The following TMTC1 variants were observed in gnomAD, a reference collection of about 807,000 sequenced individuals.
The protein encoded by TMTC1 is transmembrane O-mannosyltransferase targeting cadherins 1, also known as protein O-mannosyl-transferase TMTC1.
TMTC1 carries 73 observed loss-of-function variants against 104.8 expected under a neutral mutation model. The observed-to-expected ratio is 0.70, with a 90% confidence interval of 0.58 to 0.85. TMTC1 has a LOEUF of 0.85. TMTC1 is among the 40% of genes least tolerant of loss of function. The pLI, the probability that TMTC1 is intolerant of heterozygous loss-of-function variation, is 0.00. For missense variants in TMTC1, 1,035 were observed against 1,096.1 expected (o/e 0.94, Z 0.79); for synonymous variants, 434 against 428.7 (o/e 1.01, Z -0.15).
chr12:29,565,098 G>T (rs191372016), intron 9 of TMTC1, among the ~76,000 whole-genome samples: 57 of 152,276 alleles, frequency 3.7e-4, no homozygotes, highest in Middle Eastern at 6.8e-3. Flanking sequence ...GATTGTGGGG[G>T]CTGGCAAGTC....
At chr12:29,603,050 C>T (rs1485580116) in intron 7 of TMTC1, among the ~76,000 whole-genome samples, 1 of 152,142 alleles carries the variant, frequency 6.6e-6, no homozygotes, top group African/African-American at 2.4e-5. Flanking sequence ...AAGACTCTTA[C>T]CTTAAACCAC....
chr12:29,554,562 T>C (rs1384156096), intron 10 of TMTC1, among the ~76,000 whole-genome samples: 6 of 152,162 alleles, frequency 3.9e-5, no homozygotes, highest in Admixed American at 3.9e-4. Flanking sequence ...AAACCTATAT[T>C]GTGCTATACA....
intron 8 of TMTC1, among the ~76,000 whole-genome samples, chr12:29,573,720 G>A (rs1185396537): frequency 1.3e-5 from 2 of 152,164 alleles, no homozygotes; most frequent in Non-Finnish European, 1.5e-5. Context: ...CAAGAAAACA[G>A]AGCATGGGGC....
intron 1 of TMTC1, among the ~76,000 whole-genome samples, chr12:29,778,681 A>T (rs980534400): frequency 2.0e-5 from 3 of 152,266 alleles, no homozygotes; most frequent in Non-Finnish European, 2.9e-5. Context: ...TTGACTGGAA[A>T]CAGAAATTCA....
intron 4 of TMTC1, among the ~76,000 whole-genome samples, chr12:29,752,622 G>A (rs1644382391): frequency 6.6e-6 from 1 of 151,038 alleles, no homozygotes; most frequent in African/African-American, 2.4e-5. Context: ...TCCAAACCCA[G>A]AAAAATGGAT....
At chr12:29,712,116 A>C (rs1941947114) in intron 5 of TMTC1, among the ~76,000 whole-genome samples, 1 of 151,820 alleles carries the variant, frequency 6.6e-6, no homozygotes, top group African/African-American at 2.4e-5. Context: ...ATATAACGCA[A>C]ACTTCCCCTC....
chr12:29,772,561 T>A (rs1943618562), intron 1 of TMTC1, among the ~76,000 whole-genome samples: 1 of 152,216 alleles, frequency 6.6e-6, no homozygotes, highest in Admixed American at 6.5e-5. Flanking sequence ...TCACTCACTC[T>A]AAGATCAGCC....
chr12:29,602,025 G>A lies in TMTC1; in HGVS notation c.1250+2153C>T, dbSNP rs553931224. On this transcript the variant is annotated intron_variant, in intron 7 of 17. Coordinates refer to ENST00000539277, the MANE Select transcript of TMTC1 (RefSeq NM_001193451.2). ...TAATTTTTGTATTTTTAGTAAAGAC[G>A]GGGTTTCACTGTGTTAGCGAGGATG... Among the ~76,000 whole-genome samples, 11 of 151,934 alleles carry A rather than the reference G, an allele frequency of 7.2e-5. No homozygotes were observed. In the South Asian group the frequency reaches 1.0e-3, roughly 14 times the overall value.
chr12:29,754,722 CCT>C (rs1943174940), intron 4 of TMTC1, among the ~76,000 whole-genome samples: 1 of 152,090 alleles, frequency 6.6e-6, no homozygotes, highest in African/African-American at 2.4e-5. Flanking sequence ...TTTTTACAAG[CCT>C]CTGAGATTTA....
chr12:29,667,172 T>C (rs1355094376), intron 5 of TMTC1, among the ~76,000 whole-genome samples: 1 of 152,222 alleles, frequency 6.6e-6, no homozygotes, highest in Non-Finnish European at 1.5e-5. Context: ...CTCTTTAATG[T>C]ACTTTCCTTG....
Position 29,724,839 on chromosome 12 carries a change from T to G in TMTC1, c.938+26827A>C, listed in dbSNP as rs1271149440. Among the ~76,000 whole-genome samples the G allele has an allele frequency of 3.3e-5, 5 of 152,152 alleles. No homozygotes were observed. The East Asian group carries it at 9.6e-4, about 29-fold the overall frequency. On this transcript the variant is annotated intron_variant, in intron 5 of 17. Coordinates refer to ENST00000539277, the MANE Select transcript of TMTC1 (RefSeq NM_001193451.2). ...CAATACACAAGGATCTTTTAAACTT[T>G]ACATACAGTTTTAAAAAATTCTCTA...
At chr12:29,628,447 G>A (rs556930188) in intron 6 of TMTC1, among the ~76,000 whole-genome samples, 4 of 152,192 alleles carry the variant, frequency 2.6e-5, no homozygotes, top group South Asian at 2.1e-4. Flanking sequence ...CCTCTTGCTC[G>A]AGAGCTTTCC....
At chr12:29,640,372 T>C (rs748621576) in intron 5 of TMTC1, among the ~76,000 whole-genome samples, 1 of 152,136 alleles carries the variant, frequency 6.6e-6, no homozygotes, top group African/African-American at 2.4e-5. Flanking sequence ...TAGCTCCAGA[T>C]TGATTGCAAG....
chr12:29,517,367 G>A (rs1944016778), intron 14 of TMTC1, 60 bp downstream of exon 14: 1 of 1,598,772 alleles, frequency 6.3e-7, no homozygotes. Flanking sequence ...GAGGACTACA[G>A]CTCTCTCTAT....
chr12:29,673,379 G>A (rs1233762581), intron 5 of TMTC1, among the ~76,000 whole-genome samples: 1 of 152,174 alleles, frequency 6.6e-6, no homozygotes, highest in African/African-American at 2.4e-5. Flanking sequence ...CAATGTTTGT[G>A]TAAAACGCTT....
At chr12:29,769,056 C>T (rs535534971) in intron 1 of TMTC1, among the ~76,000 whole-genome samples, 2 of 152,284 alleles carry the variant, frequency 1.3e-5, no homozygotes, top group South Asian at 4.1e-4. Context: ...GTCTTCAATT[C>T]TCAGGCCTTT....
chr12:29,587,964 G>C (rs765909148), intron 7 of TMTC1, among the ~76,000 whole-genome samples: 3 of 152,132 alleles, frequency 2.0e-5, no homozygotes, highest in Admixed American at 6.5e-5. Flanking sequence ...TCTGTATCAA[G>C]AGCAGAAAAA....
chr12:29,604,358 A>G, intron 6 of TMTC1, 59 bp from the exon 7 acceptor site: 1 of 1,605,992 alleles, frequency 6.2e-7, no homozygotes, highest in South Asian at 1.1e-5. Context: ...TTCAGGCAGC[A>G]TTTAACCATC....
At chr12:29,783,970 C>A (rs1943901434), upstream of TMTC1, 1 of 224,432 alleles carries the variant, frequency 4.5e-6, no homozygotes, top group Middle Eastern at 1.9e-3. The surrounding 1 kb of genome is among the most constrained non-coding windows in gnomAD (Gnocchi z 4.7). Context: ...CCCCGGCCAT[C>A]GCCACCTCCT....
Sources: gnomAD v4.1 joint callset for allele counts (sites outside exome capture counted in the v4.1 genomes callset) on GRCh38, gnomAD v4.1.1 for gene constraint, Gnocchi (gnomAD v3.1) non-coding constraint, MANE v1.5 for transcripts, NCBI Gene and HGNC (gene_info 2026-07-23, HGNC 2026-07-21) for gene names.